Variants in CSPG4 observed in about 807,000 individuals in gnomAD.
CSPG4 encodes the protein chondroitin sulfate proteoglycan 4.
CSPG4 carries 74 observed loss-of-function variants against 139.3 expected under a neutral mutation model. The observed-to-expected ratio is 0.53, with a 90% CI of 0.44 to 0.64. The LOEUF is 0.64. Ranked by LOEUF, CSPG4 falls within the 30% of genes least tolerant of loss-of-function variation. CSPG4 has a pLI of 0.00. For synonymous variants in CSPG4, 1,234 were observed against 1,394.2 expected (o/e 0.89, Z 2.56); for missense variants, 2,565 against 3,148.3 (o/e 0.81, Z 4.43).
Position 75,687,485 on chromosome 15 carries a change from C to A in CSPG4, c.3580G>T (p.Asp1194Tyr), listed in dbSNP as rs1894077761. The A allele has an allele frequency of 2.5e-6, 4 of 1,612,604 alleles. No individual in the cohort carries two copies. The highest frequency in any genetic ancestry group is 3.4e-6 in the Non-Finnish European group (4 of 1,179,752). ...TTGTGGCTATAGAGAACGGCCCCATCCAGCAGGTCCTGCTGGGAGAAGGCT... is the reference window on the plus strand; with the variant it reads ...TTGTGGCTATAGAGAACGGCCCCATACAGCAGGTCCTGCTGGGAGAAGGCT... Reference protein sequence around the residue: ...ATAFSQQDLLDGAVLYSHNGS... With the variant: ...ATAFSQQDLLYGAVLYSHNGS... The change falls in exon 3 of 10, where the codon GAT (aspartate) becomes TAT (tyrosine). Residue 1194 changes from aspartate (D) to tyrosine (Y), a missense_variant. By Grantham distance (160) the Asp-to-Tyr change is radical. Around this residue, in one of 5 missense-constraint regions of CSPG4, gnomAD observed 2,316 missense variants for 2,818.2 expected, o/e 0.82. Coordinates refer to ENST00000308508, the MANE Select transcript of CSPG4 (RefSeq NM_001897.5). This position sits in a 1 kb window ranked among gnomAD's most constrained non-coding sequence, Gnocchi z 5.4.
chr15:75,712,908 C>G (rs1445899693), upstream of CSPG4: 7 of 589,076 alleles, frequency 1.2e-5, no homozygotes, highest in Admixed American at 3.8e-5. Flanking sequence ...CAGACCCGCG[C>G]GCCCGCTCGG....
Position 75,707,638 on chromosome 15 carries a change from A to T in CSPG4, c.88+5030T>A, listed in dbSNP as rs373081330. 7.3e-4 allele frequency among the ~76,000 whole-genome samples: 111 copies of T among 152,320 alleles called. 3 individuals carry two copies. In the South Asian group the frequency reaches 0.022, roughly 30 times the overall value. ...CAGGCTCCCAGACTTGGGGAAGGACATCTTCCAAGGGCCCTTAGTACCAAT... is the reference window on the plus strand; with the variant it reads ...CAGGCTCCCAGACTTGGGGAAGGACTTCTTCCAAGGGCCCTTAGTACCAAT... On this transcript the variant is annotated intron_variant, in intron 1 of 9. Transcript: ENST00000308508.
intron 8 of CSPG4, 26 bp downstream of exon 8, chr15:75,682,267 T>C: frequency 6.3e-7 from 1 of 1,596,286 alleles, no homozygotes; most frequent in Non-Finnish European, 8.5e-7. Context: ...GGCATCTGAG[T>C]GGTGGCTGCA....
At chr15:75,681,698 A>G (rs1299410153) in intron 8 of CSPG4, among the ~76,000 whole-genome samples, 1 of 152,186 alleles carries the variant, frequency 6.6e-6, no homozygotes, top group Non-Finnish European at 1.5e-5. Context: ...CAGTTATCAC[A>G]GAGAGTCTGC....
In CSPG4 at chr15:75,689,487, A is replaced by G. The variant is rs776189597; in HGVS notation, c.1578T>C (p.Ala526=). 6.2e-7 allele frequency: 1 copy of G among 1,612,800 alleles called. No individual in the cohort carries two copies. The highest frequency in any genetic ancestry group is 8.5e-7 in the Non-Finnish European group (1 of 1,179,854). The change falls in exon 3 of 10, where the codon GCT becomes GCC. Residue 526 remains alanine, a synonymous_variant. Coordinates refer to ENST00000308508, the MANE Select transcript of CSPG4 (RefSeq NM_001897.5). ...GAAGGCATGAGGGCATGGGCACCCG[A>G]GCCGTCACCGACACCTCCAGCACCA... ...DQLVLEVSVT[A]RVPMPSCLRR... is the part of the protein sequence containing the mutation.
At chr15:75,704,337 C>G (rs1260128635) in intron 1 of CSPG4, among the ~76,000 whole-genome samples, 1 of 152,210 alleles carries the variant, frequency 6.6e-6, no homozygotes, top group African/African-American at 2.4e-5. Context: ...CCAGCTGGCT[C>G]AGGCCTCTAC....
At position 75,690,576 on chromosome 15, in the gene CSPG4, G is replaced by A; in HGVS notation, c.489C>T (p.Ser163=). Residue 163 remains serine (S), a synonymous_variant, in exon 3 of 10, where the codon AGC becomes AGT. Transcript: ENST00000308508. ...CATGGAGGCAACCCCTCAGGGGTCG[G>A]CTGGTTCCCCTCAGGTAGGGCAGGC... ...TLGLPYLRGT[S]RPLRGCLHAA... is the part of the protein sequence containing the mutation. 1 of 1,608,170 alleles carries A rather than the reference G, an allele frequency of 6.2e-7. No homozygotes were observed. The highest frequency in any genetic ancestry group is 8.5e-7 in the Non-Finnish European group (1 of 1,178,242).
chr15:75,682,780 G>A (rs375631511), intron 6 of CSPG4, 39 bp from the exon 7 acceptor site: 49 of 1,607,912 alleles, frequency 3.0e-5, no homozygotes, highest in Non-Finnish European at 3.8e-5. Context: ...GCCCGAGCCG[G>A]CTCCCCATCT....
At position 75,677,297 on chromosome 15, in the gene CSPG4, T is replaced by C. The variant is rs1438017210; in HGVS notation, c.5222A>G (p.Gln1741Arg). 4.8e-6 allele frequency: 7 copies of C among 1,455,012 alleles called. No homozygotes were observed. The highest frequency in any genetic ancestry group is 2.7e-5 in the Admixed American group (1 of 37,496). The allele number at this position is 1,455,012 out of a possible 1,614,324, so 90.1% of individuals were successfully genotyped here. The change falls in exon 10 of 10, where the codon CAG becomes CGG. Residue 1741 changes from glutamine (Q) to arginine (R), a missense_variant. Physicochemically the swap from Gln to Arg is conservative, Grantham distance 43. Coordinates refer to ENST00000308508, the MANE Select transcript of CSPG4 (RefSeq NM_001897.5). Reference sequence around the variant, plus strand: ...GAAGAGCACATCATGCTCTGAGCGCTGGGGTGATGGAACGCTGGCCAAGAG... The same window carrying C: ...GAAGAGCACATCATGCTCTGAGCGCCGGGGTGATGGAACGCTGGCCAAGAG... ...SNLLASVPSP[Q>R]RSEHDVLFQV...
chr15:75,712,723 G>T lies in CSPG4; in HGVS notation c.33C>A (p.Ala11=). Residue 11 remains alanine, a synonymous_variant, in exon 1 of 10, where the codon GCC becomes GCA. Coordinates refer to ENST00000308508, the MANE Select transcript of CSPG4 (RefSeq NM_001897.5). MQSGPRPPLP[A]PGLALALTLT... ...GGGTCAAAGCCAAGGCCAGGCCGGG[G>T]GCTGGAAGTGGGGGCCGCGGCCCGG... is the stretch of plus-strand genomic sequence containing the variant. 1 of 1,561,218 alleles carries T rather than the reference G, an allele frequency of 6.4e-7. No homozygotes were observed. Among genetic ancestry groups the T allele is most frequent in the South Asian group, 1.2e-5 (1 of 84,928 alleles).
intron 1 of CSPG4, among the ~76,000 whole-genome samples, 167 bp from the exon 2 acceptor site, chr15:75,693,400 T>C (rs569027665): frequency 3.2e-4 from 49 of 152,368 alleles, no homozygotes; most frequent in African/African-American, 1.1e-3. Context: ...CAGCATCTTC[T>C]TGGTCCTGGC....
intron 1 of CSPG4, among the ~76,000 whole-genome samples, chr15:75,708,845 A>C (rs930211365): frequency 4.6e-5 from 7 of 152,312 alleles, no homozygotes; most frequent in South Asian, 4.1e-4. Flanking sequence ...TGGGCAACAT[A>C]GTGAGACCTC....
intron 1 of CSPG4, among the ~76,000 whole-genome samples, chr15:75,703,785 G>C (rs1894334969): frequency 7.3e-6 from 1 of 137,418 alleles, no homozygotes; most frequent in South Asian, 2.3e-4. Context: ...GGCTGCGCTT[G>C]TAGGGGCTGT....
At position 75,688,105 on chromosome 15, in the gene CSPG4, A is replaced by G; in HGVS notation, c.2960T>C (p.Val987Ala). ...SETTEDDIPFVATRQGESSGD... is the reference protein window; with the variant it reads ...SETTEDDIPFAATRQGESSGD... ...ACTGCTCTCGCCCTGGCGGGTAGCA[A>G]CAAATGGGATATCATCTTCTGTGGT... The change falls in exon 3 of 10, where the codon GTT becomes GCT. Residue 987 changes from valine to alanine, a missense_variant. Val to Ala is a moderately conservative substitution (Grantham distance 64, BLOSUM62 0). This residue lies in a region of CSPG4 where 2,316 missense variants were observed against 2,818.2 expected (regional missense o/e 0.82). Transcript: ENST00000308508. 1 of 1,612,862 alleles carries G rather than the reference A, an allele frequency of 6.2e-7. No homozygotes were observed. The highest frequency in any genetic ancestry group is 8.5e-7 in the Non-Finnish European group (1 of 1,179,870).
Position 75,677,117 on chromosome 15 carries a change from C to T in CSPG4, c.5402G>A (p.Arg1801His), listed in dbSNP as rs371470067. ...CCCTGCTGGCCCCTGGAGGTGGGCA[C>T]GAAAGTGGAAGCCATCCTGCTGGGT... The part of the protein sequence containing the change: ...GGTQQDGFHF[R>H]AHLQGPAGAS... Residue 1801 changes from arginine (R) to histidine (H), a missense_variant, in exon 10 of 10, where the codon CGT becomes CAT. By Grantham distance (29) the Arg-to-His change is conservative (BLOSUM62 0). Transcript: ENST00000308508. 3.4e-5 allele frequency: 48 copies of T among 1,407,288 alleles called. No individual in the cohort carries two copies. Among genetic ancestry groups the T allele is most frequent in the South Asian group, 1.9e-4 (11 of 56,482 alleles). The allele number at this position is 1,407,288 out of a possible 1,614,324, so 87.2% of individuals were successfully genotyped here.
rs773983017 is a variant in CSPG4 at position 75,688,439 on chromosome 15, G to A, written c.2626C>T (p.Arg876Cys). Residue 876 changes from arginine (R) to cysteine (C), a missense_variant, in exon 3 of 10, where the codon CGT becomes TGT. Physicochemically the swap from Arg to Cys is radical, Grantham distance 180. Transcript: ENST00000308508. ...SEAVEDTFRF[R>C]VTAPPYFSPL... ...GAGAAATATGGTGGAGCTGTGACACGGAAACGGAAGGTGTCCTCGACTGCC... is the reference window on the plus strand; with the variant it reads ...GAGAAATATGGTGGAGCTGTGACACAGAAACGGAAGGTGTCCTCGACTGCC... 1.6e-4 allele frequency: 259 copies of A among 1,613,154 alleles called. No individual in the cohort carries two copies. The highest frequency in any genetic ancestry group is 2.3e-4 in the Admixed American group (14 of 60,010).
rs1487417771 is a variant in CSPG4, at chr15:75,677,814, C to T, written c.5023G>A (p.Glu1675Lys). The T allele has an allele frequency of 3.1e-6, 5 of 1,612,298 alleles. No homozygotes were observed. Among genetic ancestry groups the T allele is most frequent in the Non-Finnish European group, 4.2e-6 (5 of 1,179,292 alleles). Residue 1675 changes from glutamate to lysine, a missense_variant, in exon 9 of 10, where the codon GAG (glutamate) becomes AAG (lysine). Glu to Lys is a moderately conservative substitution (Grantham distance 56). Transcript: ENST00000308508. ...EPFWEAHDTL[E>K]LQLSSPPARD... ...GCAGGCGGCGAGGACAGCTGGAGCT[C>T]TAGGGTATCATGGGCCTCCCAAAAG... is the stretch of plus-strand genomic sequence containing the variant.
rs536351981 is a variant in CSPG4, at chr15:75,696,701, C to T, written c.89-3468G>A. On this transcript the variant is annotated intron_variant, in intron 1 of 9. Transcript: ENST00000308508. This position sits in a 1 kb window ranked among gnomAD's most constrained non-coding sequence, Gnocchi z 4.2. ...AGAGGTTTGCTAAAGGTGGGTACAT[C>T]CTCAGGCTTCCCACCCTTCCTCCCC... 1.3e-5 allele frequency among the ~76,000 whole-genome samples: 2 copies of T among 152,262 alleles called. No individual in the cohort carries two copies. The highest frequency in any genetic ancestry group is 1.9e-4 in the East Asian group (1 of 5,172).
chr15:75,701,162 C>G (rs551095568), intron 1 of CSPG4, among the ~76,000 whole-genome samples: 4 of 152,316 alleles, frequency 2.6e-5, no homozygotes, highest in African/African-American at 9.6e-5. Context: ...CCACCTCTGG[C>G]CTAAATGGCC....
Sources: gnomAD v4.1 joint callset for allele counts (sites outside exome capture counted in the v4.1 genomes callset) on GRCh38, gnomAD v4.1.1 for gene constraint, gnomAD v4.1.1 regional missense constraint, Gnocchi (gnomAD v3.1) non-coding constraint, MANE v1.5 for transcripts, NCBI Gene and HGNC (gene_info 2026-07-23, HGNC 2026-07-21) for gene names.